Variants in GIMAP4 observed in about 807,000 individuals in gnomAD.
GIMAP4 encodes GTPase, IMAP family member 4, also known as GTPase IMAP family member 4.
Under a neutral mutation model 10.8 loss-of-function variants are expected in GIMAP4, and 12 were observed. The ratio of observed to expected loss-of-function variants is 1.11; its 90% CI spans 0.71 to 1.81. The LOEUF is 1.81. Among genes scored for constraint, GIMAP4 ranks in the 40% most tolerant of loss-of-function variants. GIMAP4 has a pLI of 0.00. For synonymous variants in GIMAP4, 149 were observed against 147.2 expected (o/e 1.01, Z -0.09); for missense variants, 412 against 404.6 (o/e 1.02, Z -0.16).
intron 2 of GIMAP4, among the ~76,000 whole-genome samples, chr7:150,571,050 T>C (rs527251517): frequency 2.0e-5 from 3 of 152,282 alleles, no homozygotes; most frequent in South Asian, 4.1e-4. Flanking sequence ...CACCATATGC[T>C]CTCAACACTG....
chr7:150,572,747 A>G lies in GIMAP4; in HGVS notation c.677A>G (p.Tyr226Cys). ...NKEGCYTNRM[Y>C]QRAEEEIQKQ... ...GAAGGCTGCTACACTAATAGGATGT[A>G]CCAAAGGGCGGAGGAGGAGATCCAG... Residue 226 changes from tyrosine (Y) to cysteine (C), a missense_variant, in exon 3 of 3, where the codon TAC becomes TGC. By Grantham distance (194) the Tyr-to-Cys change is radical. Transcript: ENST00000255945. 6.2e-7 allele frequency: 1 copy of G among 1,614,198 alleles called. No homozygotes were observed. The highest frequency in any genetic ancestry group is 8.5e-7 in the Non-Finnish European group (1 of 1,180,026).
Position 150,569,922 on chromosome 7 carries a change from T to A in GIMAP4, c.21T>A (p.Ser7Arg). The A allele has an allele frequency of 1.3e-6, 2 of 1,591,854 alleles. No individual in the cohort carries two copies. The highest frequency in any genetic ancestry group is 1.7e-6 in the Non-Finnish European group (2 of 1,160,302). The change falls in exon 2 of 3, where the codon AGT (serine) becomes AGA (arginine). Residue 7 changes from serine to arginine, a missense_variant. Physicochemically the swap from Ser to Arg is moderately radical, Grantham distance 110. Transcript: ENST00000255945. ...CGACAATGGCAGCCCAATACGGCAG[T>A]ATGAGCTTCAACCCCAGCACACCAG... MAAQYG[S>R]MSFNPSTPGA...
intron 1 of GIMAP4, among the ~76,000 whole-genome samples, chr7:150,567,890 G>A (rs982483371): frequency 5.3e-5 from 8 of 152,120 alleles, no homozygotes; most frequent in Admixed American, 4.6e-4. Flanking sequence ...CTGTCTGCTC[G>A]GAGCTGCCCG....
chr7:150,571,428 C>A (rs1317276), intron 2 of GIMAP4, among the ~76,000 whole-genome samples: 37,889 of 152,036 alleles, frequency 0.25, 4,891 homozygotes, highest in East Asian at 0.31. Context: ...GAAAATAAAT[C>A]TCCACTACAG....
At position 150,573,168 on chromosome 7, in the gene GIMAP4, G is replaced by A. The variant is rs1455177467; in HGVS notation, c.*108G>A. On this transcript the variant is annotated 3_prime_UTR_variant, in exon 3 of 3. Coordinates refer to ENST00000255945, the MANE Select transcript of GIMAP4 (RefSeq NM_018326.3). ...TCTAGTTTCTGTCTCTCAGGCACTC[G>A]TAACTAAGGACCACCATTGGCCATT... The A allele has an allele frequency of 5.8e-6, 4 of 686,872 alleles. No homozygotes were observed. Among genetic ancestry groups the A allele is most frequent in the East Asian group, 2.7e-5 (1 of 37,516 alleles). 42.5% of individuals were successfully genotyped at this position (686,872 alleles called of 1,614,324 possible). A position where few individuals can be genotyped will look rare whatever the true frequency, so the allele number is the denominator to read the frequency against.
Position 150,569,879 on chromosome 7 carries a change from G to C in GIMAP4, c.-14-9G>C. The stretch of plus-strand genomic sequence containing the variant: ...CTAAAATGACATGGTTATGTTTCTT[G>C]ATCTACAGGAGTTCAAGCGACAATG... On this transcript the variant is annotated splice_polypyrimidine_tract_variant and intron_variant, in intron 1 of 2. Coordinates refer to ENST00000255945, the MANE Select transcript of GIMAP4 (RefSeq NM_018326.3). 8.1e-7 allele frequency: 1 copy of C among 1,234,850 alleles called. No individual in the cohort carries two copies. The highest frequency in any genetic ancestry group is 1.2e-6 in the Non-Finnish European group (1 of 834,232). The allele number at this position is 1,234,850 out of a possible 1,614,324, so 76.5% of individuals were successfully genotyped here. A position where few individuals can be genotyped will look rare whatever the true frequency, so the allele number is the denominator to read the frequency against.
At position 150,573,087 on chromosome 7, in the gene GIMAP4, C is replaced by A. The variant is rs761758934; in HGVS notation, c.*27C>A. 5 of 1,450,086 alleles carry A rather than the reference C, an allele frequency of 3.4e-6. No individual in the cohort carries two copies. The African/African-American group carries it at 5.6e-5, about 16-fold the overall frequency. The allele number at this position is 1,450,086 out of a possible 1,614,324, so 89.8% of individuals were successfully genotyped here. On this transcript the variant is annotated 3_prime_UTR_variant, in exon 3 of 3. Transcript: ENST00000255945. The stretch of plus-strand genomic sequence containing the variant: ...CTTAATGAAAATCTGTTTGTATTTT[C>A]TGCATATTCTCTGGCAACCTTGCCC...
At position 150,572,567 on chromosome 7, in the gene GIMAP4, A is replaced by G. The variant is rs557887614; in HGVS notation, c.497A>G (p.Asp166Gly). ...KDDLGDTNLHDYLREAPEDIQ... is the reference protein window; with the variant it reads ...KDDLGDTNLHGYLREAPEDIQ... Reference sequence around the variant, plus strand: ...GACTTAGGTGACACCAATTTGCATGACTACTTAAGGGAAGCTCCAGAAGAC... The same window carrying G: ...GACTTAGGTGACACCAATTTGCATGGCTACTTAAGGGAAGCTCCAGAAGAC... The change falls in exon 3 of 3, where the codon GAC becomes GGC. Residue 166 changes from aspartate to glycine, a missense_variant. Transcript: ENST00000255945. The G allele has an allele frequency of 2.5e-6, 4 of 1,613,990 alleles. No homozygotes were observed. The African/African-American group carries it at 5.3e-5, about 22-fold the overall frequency.
At chr7:150,568,317 C>T (rs1795688338) in intron 1 of GIMAP4, among the ~76,000 whole-genome samples, 1 of 150,608 alleles carries the variant, frequency 6.6e-6, no homozygotes, top group South Asian at 2.1e-4. Flanking sequence ...AAGCTGTTTC[C>T]TATACCCTAT....
At chr7:150,569,340 T>A (rs112678544) in intron 1 of GIMAP4, among the ~76,000 whole-genome samples, 5 of 152,190 alleles carry the variant, frequency 3.3e-5, no homozygotes, top group African/African-American at 9.6e-5. Flanking sequence ...GATTTGGTGA[T>A]GGGCTGATGA....
At chr7:150,569,354 A>G (rs1360922999) in intron 1 of GIMAP4, among the ~76,000 whole-genome samples, 2 of 152,140 alleles carry the variant, frequency 1.3e-5, no homozygotes, top group East Asian at 1.9e-4. Context: ...CTGATGAGAG[A>G]GAGAGGATAA....
chr7:150,572,107 T>G, intron 2 of GIMAP4, 22 bp from the exon 3 acceptor site: 1 of 1,520,546 alleles, frequency 6.6e-7, no homozygotes, highest in Non-Finnish European at 9.0e-7. Context: ...AGCATGGCTT[T>G]TTTTTTTTCT....
intron 2 of GIMAP4, among the ~76,000 whole-genome samples, chr7:150,571,350 A>C (rs187361762): frequency 6.6e-5 from 10 of 152,340 alleles, no homozygotes; most frequent in Non-Finnish European, 1.5e-4. Context: ...AATAATGATA[A>C]GTTGCATAAC....
intron 1 of GIMAP4, among the ~76,000 whole-genome samples, chr7:150,568,879 A>G (rs1355789619): frequency 6.6e-6 from 1 of 152,208 alleles, no homozygotes; most frequent in Non-Finnish European, 1.5e-5. Flanking sequence ...TTGCTGGTAG[A>G]CAGTGGTGTT....
intron 1 of GIMAP4, among the ~76,000 whole-genome samples, chr7:150,569,480 G>C (rs1035255132): frequency 6.6e-6 from 1 of 152,102 alleles, no homozygotes; most frequent in African/African-American, 2.4e-5. Context: ...GCTTAATTTC[G>C]GCCAGGTTCT....
intron 2 of GIMAP4, 131 bp from the exon 3 acceptor site, chr7:150,571,998 T>C (rs1287167405): frequency 3.2e-6 from 2 of 632,002 alleles, no homozygotes; most frequent in Non-Finnish European, 5.5e-6. Flanking sequence ...AATCTCTGAG[T>C]GCAGCAGTAA....
chr7:150,572,162 T>A lies in GIMAP4; in HGVS notation c.92T>A (p.Leu31Ter), dbSNP rs757574116. 2.5e-5 allele frequency: 41 copies of A among 1,610,796 alleles called. 1 individual carries two copies. The South Asian group carries it at 3.2e-4, about 13-fold the overall frequency. The change falls in exon 3 of 3, where the codon TTG (leucine) becomes TAG (stop). Residue 31 changes from leucine (L) to a stop codon, truncating the protein, a stop_gained. Transcript: ENST00000255945. LOFTEE classifies it high-confidence loss of function. ...AGGCAAGAGCCCAGAAATTCCCAATTGAGAATTGTGTTAGTGGGTAAAACC... is the reference window on the plus strand; with the variant it reads ...AGGCAAGAGCCCAGAAATTCCCAATAGAGAATTGTGTTAGTGGGTAAAACC... Reference protein sequence around the residue: ...PGRQEPRNSQLRIVLVGKTGA... With the variant: ...PGRQEPRNSQ
Position 150,572,335 on chromosome 7 carries a change from A to T in GIMAP4, c.265A>T (p.Ile89Phe), listed in dbSNP as rs377155868. Residue 89 changes from isoleucine (I) to phenylalanine (F), a missense_variant, in exon 3 of 3, where the codon ATT becomes TTT. Ile to Phe is a conservative substitution (Grantham distance 21). Transcript: ENST00000255945. ...ACTTGTCGTAGTTGACACACCAGGC[A>T]TTTTCGACACAGAGGTGCCCAATGC... is the stretch of plus-strand genomic sequence containing the variant. ...TELVVVDTPG[I>F]FDTEVPNAET... 1.7e-5 allele frequency: 27 copies of T among 1,614,036 alleles called. No individual in the cohort carries two copies. The highest frequency in any genetic ancestry group is 2.3e-5 in the Non-Finnish European group (27 of 1,179,986).
At position 150,573,702 on chromosome 7, in the gene GIMAP4, C is replaced by A. The variant is rs1159494324; in HGVS notation, c.*642C>A. ...CAAATGCTGAAAAAGTGAAATACAG[C>A]AATTCAACAGATAATAGAGCAATGT... On this transcript the variant is annotated 3_prime_UTR_variant, in exon 3 of 3. Coordinates refer to ENST00000255945, the MANE Select transcript of GIMAP4 (RefSeq NM_018326.3). 1 of 152,150 alleles carries A rather than the reference C, an allele frequency of 6.6e-6. No homozygotes were observed. Among genetic ancestry groups the A allele is most frequent in the South Asian group, 2.1e-4 (1 of 4,830 alleles). 9.4% of individuals were successfully genotyped at this position (152,150 alleles called of 1,614,324 possible). A position where few individuals can be genotyped will look rare whatever the true frequency, so the allele number is the denominator to read the frequency against.
Sources: allele counts gnomAD v4.1 joint callset (sites outside exome capture counted in the v4.1 genomes callset), GRCh38; gene constraint gnomAD v4.1.1; transcripts MANE v1.5; gene names NCBI Gene and HGNC (gene_info 2026-07-23, HGNC 2026-07-21).